The following PTPRR variants were observed in gnomAD, a reference collection of about 807,000 sequenced individuals.
The protein encoded by PTPRR is protein tyrosine phosphatase receptor type R.
Under a neutral mutation model 77.2 loss-of-function variants are expected in PTPRR, and 38 were observed. The observed-to-expected ratio is 0.49, with a 90% confidence interval of 0.38 to 0.65. PTPRR has a LOEUF of 0.65. Among genes scored for constraint, PTPRR ranks in the 30% least tolerant of loss-of-function variants. PTPRR has a pLI of 0.00. For synonymous variants in PTPRR, 299 were observed against 283.1 expected, an observed-to-expected ratio of 1.06 and a Z score of -0.57; for missense variants, 744 against 799.2, an observed-to-expected ratio of 0.93 and a Z score of 0.83.
At chr12:70,768,907 A>T (rs1890897661) in intron 2 of PTPRR, among the ~76,000 whole-genome samples, 1 of 151,490 alleles carries the variant, frequency 6.6e-6, no homozygotes, top group East Asian at 1.9e-4. Context: ...AAAGACAAAA[A>T]CCACATGATT....
chr12:70,902,432 C>T (rs993839594), intron 1 of PTPRR, among the ~76,000 whole-genome samples: 2 of 151,562 alleles, frequency 1.3e-5, no homozygotes, highest in Non-Finnish European at 3.0e-5. Context: ...CGTCAATCAA[C>T]GAGTGGGTAA....
chr12:70,863,903 C>A (rs1892796299), intron 2 of PTPRR, among the ~76,000 whole-genome samples: 1 of 152,168 alleles, frequency 6.6e-6, no homozygotes, highest in Non-Finnish European at 1.5e-5. Context: ...TGCTACTACT[C>A]CACAATCCCT....
intron 6 of PTPRR, among the ~76,000 whole-genome samples, chr12:70,736,611 G>T (rs1332216565): frequency 6.6e-6 from 1 of 152,174 alleles, no homozygotes; most frequent in South Asian, 2.1e-4. Context: ...GGGATAAAAA[G>T]TCCCTTGGGT....
At chr12:70,751,685 T>G (rs902763154) in intron 5 of PTPRR, among the ~76,000 whole-genome samples, 1 of 147,942 alleles carries the variant, frequency 6.8e-6, no homozygotes, top group Non-Finnish European at 1.5e-5. Context: ...TTTTTTAAAT[T>G]AATATACTAT....
At chr12:70,749,154 A>AAAC (rs773618710) in intron 5 of PTPRR, among the ~76,000 whole-genome samples, 111 of 152,182 alleles carry the variant, frequency 7.3e-4, no homozygotes, top group African/African-American at 4.8e-4. Flanking sequence ...ATAAGACTAA[A>AAAC]AACAACAACA....
chr12:70,855,075 C>T (rs924360333), intron 2 of PTPRR, among the ~76,000 whole-genome samples: 6 of 152,160 alleles, frequency 3.9e-5, no homozygotes, highest in African/African-American at 1.4e-4. Context: ...TTTTAAAGCA[C>T]TGTGAAATCC....
At chr12:70,867,060 A>G (rs1052802268) in intron 2 of PTPRR, among the ~76,000 whole-genome samples, 95 of 151,266 alleles carry the variant, frequency 6.3e-4, no homozygotes, top group African/African-American at 2.3e-3. Flanking sequence ...AGAGCTATCT[A>G]TGACAAACCC....
intron 10 of PTPRR, among the ~76,000 whole-genome samples, chr12:70,668,305 G>T (rs773141421): frequency 6.6e-6 from 1 of 152,112 alleles, no homozygotes; most frequent in Non-Finnish European, 1.5e-5. Flanking sequence ...AGCAGCAGCA[G>T]CTTGGGAGTC....
intron 10 of PTPRR, among the ~76,000 whole-genome samples, chr12:70,671,536 GAA>G (rs1887223906): frequency 6.6e-6 from 1 of 151,932 alleles, no homozygotes; most frequent in East Asian, 1.9e-4. Flanking sequence ...TGTGGTCAAA[GAA>G]AAAAATTAAA....
intron 2 of PTPRR, among the ~76,000 whole-genome samples, chr12:70,810,147 G>A (rs1348405536): frequency 6.6e-6 from 1 of 152,150 alleles, no homozygotes; most frequent in Admixed American, 6.6e-5. Flanking sequence ...ATACCGCCAG[G>A]TAAGCATCAG....
In PTPRR at chr12:70,904,577, T is replaced by G. The variant is rs540528962; in HGVS notation, c.59-11600A>C. Among the ~76,000 whole-genome samples the G allele has an allele frequency of 9.7e-4, 148 of 152,010 alleles. 2 individuals are homozygous for G. Among genetic ancestry groups the G allele is most frequent in the South Asian group, 6.2e-4 (3 of 4,828 alleles). ...AAAAAGATAGTAGGAAGTTTTTTTG[T>G]GGTGAGCGAACTATTCTGTATCCAG... On this transcript the variant is annotated intron_variant, in intron 1 of 13. Transcript: ENST00000283228.
intron 2 of PTPRR, among the ~76,000 whole-genome samples, chr12:70,834,652 T>A (rs1207485747): frequency 1.3e-5 from 2 of 152,188 alleles, no homozygotes; most frequent in Non-Finnish European, 2.9e-5. Flanking sequence ...GTTAGAATCA[T>A]GCCTAGGACA....
intron 2 of PTPRR, among the ~76,000 whole-genome samples, chr12:70,821,213 C>CTTTATTTGTTTTTTTTTTTTTT (rs1892003172): frequency 3.1e-5 from 1 of 31,972 alleles, no homozygotes; most frequent in Non-Finnish European, 6.1e-5. Context: ...GGGATCACTG[C>CTTTATTTGTTTTTTTTTTTTTT]TTTTTTTTTT....
chr12:70,750,906 C>CTTTT (rs35134063), intron 5 of PTPRR, among the ~76,000 whole-genome samples: 4 of 141,166 alleles, frequency 2.8e-5, no homozygotes, highest in Non-Finnish European at 6.2e-5. Flanking sequence ...TTTTTAAACC[C>CTTTT]TTTTTTTTTT....
chr12:70,789,840 G>A (rs1891392470), intron 2 of PTPRR, among the ~76,000 whole-genome samples: 1 of 152,066 alleles, frequency 6.6e-6, no homozygotes. Context: ...GCAGTGTTAA[G>A]GGTATTAAAA....
At chr12:70,749,640 A>G (rs1374945484) in intron 5 of PTPRR, among the ~76,000 whole-genome samples, 2 of 152,150 alleles carry the variant, frequency 1.3e-5, no homozygotes, top group Non-Finnish European at 2.9e-5. Flanking sequence ...TTTGACATGT[A>G]TTTATTACAT....
At chr12:70,757,523 C>A (rs1890590404) in intron 4 of PTPRR, among the ~76,000 whole-genome samples, 1 of 152,064 alleles carries the variant, frequency 6.6e-6, no homozygotes, top group Admixed American at 6.6e-5. Context: ...GAAATAATGT[C>A]TTTTCCTTTA....
At chr12:70,810,812 A>G (rs927765932) in intron 2 of PTPRR, among the ~76,000 whole-genome samples, 4 of 152,220 alleles carry the variant, frequency 2.6e-5, no homozygotes, top group African/African-American at 9.6e-5. Flanking sequence ...TATCTTTCAC[A>G]GAAAGACAAA....
intron 6 of PTPRR, among the ~76,000 whole-genome samples, chr12:70,718,535 A>AC (rs1658233408): frequency 6.6e-6 from 1 of 152,156 alleles, no homozygotes. Context: ...AAATGCTGGG[A>AC]TTACAGGTGT....
Sources: allele counts gnomAD v4.1 joint callset (sites outside exome capture counted in the v4.1 genomes callset), GRCh38; gene constraint gnomAD v4.1.1; transcripts MANE v1.5; gene names NCBI Gene and HGNC (gene_info 2026-07-23, HGNC 2026-07-21).